The following YTHDF3 variants were observed in gnomAD, a reference collection of about 807,000 sequenced individuals.
YTHDF3 encodes the protein YTH domain-containing family protein 3.
A neutral mutation model predicts 52.5 loss-of-function variants in YTHDF3; 9 were observed. The ratio of observed to expected loss-of-function variants is 0.17; its 90% CI spans 0.10 to 0.30. YTHDF3 has a LOEUF of 0.30. YTHDF3 is among the 10% of genes least tolerant of loss of function. YTHDF3 has a pLI of 1.00. For missense variants in YTHDF3, 534 were observed against 715.0 expected (o/e 0.75, Z 2.89); for synonymous variants, 274 against 243.3 (o/e 1.13, Z -1.18).
intron 1 of YTHDF3, 120 bp downstream of exon 1, chr8:63,169,021 C>A: frequency 6.8e-7 from 1 of 1,467,418 alleles, no homozygotes; most frequent in South Asian, 1.4e-5. Flanking sequence ...GCCCCGGGCG[C>A]AAGTTGCTGC....
Position 63,186,685 on chromosome 8 carries a change from T to G in YTHDF3, c.674T>G (p.Val225Gly). 6.2e-7 allele frequency: 1 copy of G among 1,613,942 alleles called. No individual in the cohort carries two copies. The highest frequency in any genetic ancestry group is 2.2e-5 in the East Asian group (1 of 44,878). The change falls in exon 4 of 5, where the codon GTG becomes GGG. Residue 225 changes from valine to glycine, a missense_variant. Around this residue, in one of 3 missense-constraint regions of YTHDF3, gnomAD observed 196 missense variants for 299.5 expected, o/e 0.65. Transcript: ENST00000539294. ...SGMTSIATNS[V>G]PPVSSAAPKP... ...ATGACTAGCATTGCAACCAATAGTG[T>G]GCCCCCAGTTAGCAGTGCAGCACCT... is the stretch of plus-strand genomic sequence containing the variant.
intron 3 of YTHDF3, among the ~76,000 whole-genome samples, chr8:63,179,920 G>T (rs1343745234): frequency 6.6e-6 from 1 of 151,646 alleles, no homozygotes; most frequent in Admixed American, 6.5e-5. Context: ...AGTAGGGGCG[G>T]CCGGGCAGAG....
chr8:63,197,890 C>T (rs1222322677), intron 4 of YTHDF3, among the ~76,000 whole-genome samples: 1 of 152,120 alleles, frequency 6.6e-6, no homozygotes, highest in Non-Finnish European at 1.5e-5. Flanking sequence ...TGAAATTTTT[C>T]CATTGTTGTA....
intron 4 of YTHDF3, among the ~76,000 whole-genome samples, chr8:63,199,218 T>A (rs951914439): frequency 1.3e-5 from 2 of 152,226 alleles, no homozygotes; most frequent in African/African-American, 2.4e-5. Context: ...CTTTGGGAGA[T>A]ACTTCTTCCA....
intron 4 of YTHDF3, among the ~76,000 whole-genome samples, chr8:63,206,306 G>A (rs968806886): frequency 1.3e-5 from 2 of 151,926 alleles, no homozygotes; most frequent in Admixed American, 1.3e-4. Context: ...CAGGTGATCC[G>A]CCTGCCTCAG....
intron 4 of YTHDF3, among the ~76,000 whole-genome samples, chr8:63,206,789 C>G (rs937996459): frequency 6.6e-6 from 1 of 150,836 alleles, no homozygotes; most frequent in Non-Finnish European, 1.5e-5. Context: ...AAGTTTGTTT[C>G]TCTTTTCTAA....
intron 4 of YTHDF3, among the ~76,000 whole-genome samples, chr8:63,200,807 A>G (rs1459453833): frequency 6.6e-6 from 1 of 152,212 alleles, no homozygotes; most frequent in African/African-American, 2.4e-5. Context: ...CAGGGTGTCA[A>G]GGTGAATTTT....
At chr8:63,208,775 G>A (rs919754277) in intron 4 of YTHDF3, among the ~76,000 whole-genome samples, 1 of 152,080 alleles carries the variant, frequency 6.6e-6, no homozygotes, top group Admixed American at 6.6e-5. Context: ...AGTAGTTTTT[G>A]CTTTTTAAGA....
At chr8:63,195,613 T>G (rs978479704) in intron 4 of YTHDF3, among the ~76,000 whole-genome samples, 3 of 152,030 alleles carry the variant, frequency 2.0e-5, no homozygotes, top group African/African-American at 7.3e-5. Flanking sequence ...CAGGAAACAA[T>G]AATCAAAAGG....
chr8:63,187,484 C>T lies in YTHDF3; in HGVS notation c.1473C>T (p.Val491=). The T allele has an allele frequency of 1.2e-6, 2 of 1,613,966 alleles. No homozygotes were observed. The highest frequency in any genetic ancestry group is 1.7e-6 in the Non-Finnish European group (2 of 1,179,894). ...TGGACTATAATGCGTATGCTGGTGTCTGGTCTCAGGATAAGTGGAAGGGCA... is the reference window on the plus strand; with the variant it reads ...TGGACTATAATGCGTATGCTGGTGTTTGGTCTCAGGATAAGTGGAAGGGCA... The part of the protein sequence containing the change: ...SVVDYNAYAG[V]WSQDKWKGKF... Residue 491 remains valine, a synonymous_variant, in exon 4 of 5, where the codon GTC becomes GTT. Transcript: ENST00000539294.
Position 63,209,794 on chromosome 8 carries a change from C to T in YTHDF3, c.*88C>T, listed in dbSNP as rs1389854301. The T allele has an allele frequency of 4.5e-6, 6 of 1,328,678 alleles. No homozygotes were observed. In the African/African-American group the frequency reaches 9.0e-5, roughly 20 times the overall value. The allele number at this position is 1,328,678 out of a possible 1,614,324, so 82.3% of individuals were successfully genotyped here. A position where few individuals can be genotyped will look rare whatever the true frequency, so the allele number is the denominator to read the frequency against. On this transcript the variant is annotated 3_prime_UTR_variant, in exon 5 of 5. Coordinates refer to ENST00000539294, the MANE Select transcript of YTHDF3 (RefSeq NM_152758.6). The stretch of plus-strand genomic sequence containing the variant: ...AAGTCAAAGAAGACGTATTAAAGCT[C>T]TTTTCTGCTTAAGGTGACATCTTTG...
chr8:63,208,992 C>T (rs570333726), intron 4 of YTHDF3, among the ~76,000 whole-genome samples: 45 of 152,214 alleles, frequency 3.0e-4, no homozygotes, highest in Admixed American at 1.5e-3. Context: ...TTCAGCCTCC[C>T]CAGTAGCTGG....
At position 63,169,497 on chromosome 8, in the gene YTHDF3, G is replaced by A. The variant is rs1456341648; in HGVS notation, c.49+86G>A. ...CTGTGAGGGTATTTTGTTTGTTTTT[G>A]CTCCCTCTTGGGAAAAAATGTAGGA... On this transcript the variant is annotated intron_variant, in intron 2 of 4. Transcript: ENST00000539294. 3 of 1,425,016 alleles carry A rather than the reference G, an allele frequency of 2.1e-6. No homozygotes were observed. The African/African-American group carries it at 4.3e-5, about 21-fold the overall frequency. 88.3% of individuals were successfully genotyped at this position (1,425,016 alleles called of 1,614,324 possible).
intron 3 of YTHDF3, among the ~76,000 whole-genome samples, chr8:63,177,864 T>C (rs77029514): frequency 0.075 from 11,355 of 151,934 alleles, 709 homozygotes; most frequent in East Asian, 0.36. Context: ...TTCAAGAAAT[T>C]TTCCTGCCTC....
chr8:63,173,924 TGTA>T (rs779844237), intron 2 of YTHDF3, among the ~76,000 whole-genome samples: 3 of 152,170 alleles, frequency 2.0e-5, no homozygotes, highest in Non-Finnish European at 4.4e-5. Context: ...GGCAGTGTGG[TGTA>T]GTAAGAAGTC....
intron 2 of YTHDF3, among the ~76,000 whole-genome samples, chr8:63,170,707 G>A (rs1807266744): frequency 6.6e-6 from 1 of 152,088 alleles, no homozygotes; most frequent in Non-Finnish European, 1.5e-5. Context: ...GTGAAATTGT[G>A]GTCATTATTG....
In YTHDF3 at chr8:63,186,850, A is replaced by T; in HGVS notation, c.839A>T (p.Asp280Val). The T allele has an allele frequency of 1.2e-6, 2 of 1,613,956 alleles. No homozygotes were observed. The highest frequency in any genetic ancestry group is 2.2e-5 in the East Asian group (1 of 44,878). Residue 280 changes from aspartate to valine, a missense_variant, in exon 4 of 5, where the codon GAT becomes GTT. Asp to Val is a radical substitution (Grantham distance 152). Coordinates refer to ENST00000539294, the MANE Select transcript of YTHDF3 (RefSeq NM_152758.6). ...CACAACATGAATATTGGAACTTGGGATGAAAAAGGGTCAGTGGTAAAGGCT... is the reference window on the plus strand; with the variant it reads ...CACAACATGAATATTGGAACTTGGGTTGAAAAAGGGTCAGTGGTAAAGGCT... ...IKHNMNIGTWDEKGSVVKAPP... is the reference protein window; with the variant it reads ...IKHNMNIGTWVEKGSVVKAPP...
At position 63,212,018 on chromosome 8, in the gene YTHDF3, TGAATG is replaced by T. The variant is rs1296597755; in HGVS notation, c.*2313_*2317del. The stretch of plus-strand genomic sequence containing the variant: ...ACAGGTTGTCTCAAGCACAACCAAC[TGAATG>T]TCTCTTAACTGTGGGGACCAAAAGG... On this transcript the variant is annotated 3_prime_UTR_variant, in exon 5 of 5. Transcript: ENST00000539294. 1 of 152,528 alleles carries T rather than the reference TGAATG, an allele frequency of 6.6e-6. No homozygotes were observed. Among genetic ancestry groups the T allele is most frequent in the Admixed American group, 6.5e-5 (1 of 15,276 alleles). 9.4% of individuals were successfully genotyped at this position (152,528 alleles called of 1,614,324 possible).
chr8:63,188,293 G>A (rs931043071), intron 4 of YTHDF3, among the ~76,000 whole-genome samples: 2 of 151,606 alleles, frequency 1.3e-5, no homozygotes, highest in East Asian at 3.9e-4. Context: ...CACTGAACCT[G>A]GCACTTAAAA....
Sources: allele counts gnomAD v4.1 joint callset (sites outside exome capture counted in the v4.1 genomes callset), GRCh38; gene constraint gnomAD v4.1.1; regional missense constraint gnomAD v4.1.1; transcripts MANE v1.5; gene names NCBI Gene and HGNC (gene_info 2026-07-23, HGNC 2026-07-21).